CA10: variants seen among roughly 807,000 people sequenced by gnomAD.
CA10 encodes carbonic anhydrase 10 (inactive).
Under a neutral mutation model 44.2 loss-of-function variants are expected in CA10, and 14 were observed. The observed-to-expected ratio is 0.32, with a 90% confidence interval of 0.21 to 0.50. The LOEUF (loss-of-function observed/expected upper bound fraction) is 0.50. CA10 is among the 20% of genes least tolerant of loss of function. The pLI is 0.99. For missense variants in CA10, 350 were observed against 409.7 expected (o/e 0.85, Z 1.26); for synonymous variants, 159 against 141.6 (o/e 1.12, Z -0.87).
chr17:51,653,713 A>T lies in CA10; in HGVS notation c.489T>A (p.His163Gln), dbSNP rs762418935. ...CTTCTGTGACATTCGTATATAGCTCATGGTTATAGTGGATGAGCTGCACCT... is the reference window on the plus strand; with the variant it reads ...CTTCTGTGACATTCGTATATAGCTCTTGGTTATAGTGGATGAGCTGCACCT... ...SGEVQLIHYN[H>Q]ELYTNVTEAA... Residue 163 changes from histidine to glutamine, a missense_variant, in exon 5 of 9, where the codon CAT (histidine) becomes CAA (glutamine). Coordinates refer to ENST00000451037, the MANE Select transcript of CA10 (RefSeq NM_020178.5). 2 of 1,608,994 alleles carry T rather than the reference A, an allele frequency of 1.2e-6. No individual in the cohort carries two copies. Among genetic ancestry groups the T allele is most frequent in the Non-Finnish European group, 1.7e-6 (2 of 1,175,372 alleles).
intron 1 of CA10, among the ~76,000 whole-genome samples, chr17:52,113,113 G>A (rs959174404): frequency 6.6e-6 from 1 of 152,098 alleles, no homozygotes; most frequent in African/African-American, 2.4e-5. Context: ...ATCAATTAGA[G>A]GTTCTAAAGA....
chr17:51,788,418 T>C (rs1906378625), intron 3 of CA10, among the ~76,000 whole-genome samples: 1 of 152,244 alleles, frequency 6.6e-6, no homozygotes, highest in African/African-American at 2.4e-5. Flanking sequence ...AAATGTGTAT[T>C]CTGCAGCCAC....
chr17:51,953,455 GT>G lies in CA10; in HGVS notation c.137-22324del, dbSNP rs761590303. Among the ~76,000 whole-genome samples the G allele has an allele frequency of 6.8e-3, 945 of 139,770 alleles. 8 individuals carry two copies. The highest frequency in any genetic ancestry group is 0.022 in the African/African-American group (826 of 37,868). The allele number at this position is 139,770 out of a possible 152,430, so 91.7% of individuals were successfully genotyped here. On this transcript the variant is annotated intron_variant, in intron 2 of 8. Transcript: ENST00000451037. ...ATAGGAATAGTCCCTGGATATTTTT[GT>G]TTTTTTTTTTTAATTTGAACTTTGT...
chr17:51,760,884 A>G (rs1905198047), intron 3 of CA10, among the ~76,000 whole-genome samples: 1 of 152,220 alleles, frequency 6.6e-6, no homozygotes, highest in Non-Finnish European at 1.5e-5. Context: ...TTATTTCAAC[A>G]TGTAATCGAT....
intron 3 of CA10, among the ~76,000 whole-genome samples, chr17:51,758,053 C>G (rs983646741): frequency 2.0e-5 from 3 of 152,068 alleles, no homozygotes; most frequent in African/African-American, 7.2e-5. Flanking sequence ...TGAGATCTCA[C>G]CCACTACTCT....
chr17:51,830,483 T>G (rs1298910041), intron 3 of CA10, among the ~76,000 whole-genome samples: 1 of 152,156 alleles, frequency 6.6e-6, no homozygotes, highest in Non-Finnish European at 1.5e-5. Context: ...TGCTTCCATG[T>G]TTTGTAGTTT....
chr17:51,965,547 G>T (rs755896763), intron 2 of CA10, among the ~76,000 whole-genome samples: 1 of 151,906 alleles, frequency 6.6e-6, no homozygotes, highest in Non-Finnish European at 1.5e-5. Context: ...TGCAAGGTTG[G>T]TTCAACATAC....
At chr17:51,886,883 G>C (rs1002377375) in intron 3 of CA10, among the ~76,000 whole-genome samples, 1 of 152,104 alleles carries the variant, frequency 6.6e-6, no homozygotes, top group Admixed American at 6.5e-5. Flanking sequence ...CTTCAAACTA[G>C]AACCTGGACT....
chr17:52,127,743 T>C (rs909097710), intron 1 of CA10, among the ~76,000 whole-genome samples: 3 of 152,224 alleles, frequency 2.0e-5, no homozygotes, highest in African/African-American at 4.8e-5. Context: ...AACTCCTTTT[T>C]AATGCTTCTT....
chr17:51,690,132 G>T (rs554796918), intron 4 of CA10, among the ~76,000 whole-genome samples: 12 of 152,122 alleles, frequency 7.9e-5, no homozygotes, highest in Non-Finnish European at 1.8e-4. Flanking sequence ...ATTTTTAGTA[G>T]ACATGGGGTT....
intron 3 of CA10, among the ~76,000 whole-genome samples, chr17:51,886,659 T>C (rs1309040363): frequency 6.6e-6 from 1 of 152,208 alleles, no homozygotes; most frequent in Non-Finnish European, 1.5e-5. Context: ...AACATTATTT[T>C]TGGGTGTCTG....
chr17:51,673,456 A>G (rs746705041), intron 4 of CA10, among the ~76,000 whole-genome samples: 30 of 152,220 alleles, frequency 2.0e-4, no homozygotes, highest in Non-Finnish European at 3.5e-4. Flanking sequence ...TAACATGGCC[A>G]TCATCCTCCC....
At position 51,780,816 on chromosome 17, in the gene CA10, C is replaced by T. The variant is rs76204431; in HGVS notation, c.280-32998G>A. 3.8e-3 allele frequency among the ~76,000 whole-genome samples: 572 copies of T among 152,230 alleles called. 4 individuals are homozygous for T. Among genetic ancestry groups the T allele is most frequent in the African/African-American group, 0.013 (549 of 41,554 alleles). On this transcript the variant is annotated intron_variant, in intron 3 of 8. Coordinates refer to ENST00000451037, the MANE Select transcript of CA10 (RefSeq NM_020178.5). ...AGTGTGAGCAAGAGCCTGGAGGTTTCGAATTCTAAAGCAAGTGTCAGCAAA... is the reference window on the plus strand; with the variant it reads ...AGTGTGAGCAAGAGCCTGGAGGTTTTGAATTCTAAAGCAAGTGTCAGCAAA...
At chr17:52,053,157 CTCTT>C (rs1987126131) in intron 2 of CA10, among the ~76,000 whole-genome samples, 1 of 152,084 alleles carries the variant, frequency 6.6e-6, no homozygotes, top group Non-Finnish European at 1.5e-5. Flanking sequence ...ACCAACTTGT[CTCTT>C]TATCCTCTGC....
intron 4 of CA10, among the ~76,000 whole-genome samples, chr17:51,710,776 C>T (rs1431992907): frequency 6.6e-6 from 1 of 152,042 alleles, no homozygotes; most frequent in Non-Finnish European, 1.5e-5. Context: ...CCTCCCTGTG[C>T]CTGCAGCACA....
intron 2 of CA10, among the ~76,000 whole-genome samples, chr17:52,014,644 T>C (rs1985912401): frequency 6.6e-6 from 1 of 152,072 alleles, no homozygotes; most frequent in Non-Finnish European, 1.5e-5. Context: ...ACATTTTAAA[T>C]CGTCTGTATA....
chr17:51,637,317 C>T (rs553785505), intron 6 of CA10, among the ~76,000 whole-genome samples: 19 of 152,336 alleles, frequency 1.2e-4, no homozygotes, highest in Admixed American at 1.2e-3. Flanking sequence ...ACTCTATCCT[C>T]TCATCTGAGA....
intron 7 of CA10, among the ~76,000 whole-genome samples, chr17:51,635,466 T>C (rs1055292301): frequency 6.7e-6 from 1 of 150,356 alleles, no homozygotes; most frequent in Non-Finnish European, 1.5e-5. Flanking sequence ...TGAGCCAAGA[T>C]CACGCCACTG....
intron 2 of CA10, among the ~76,000 whole-genome samples, chr17:51,958,301 T>C (rs1391570551): frequency 2.0e-5 from 3 of 151,728 alleles, no homozygotes; most frequent in Admixed American, 6.6e-5. Flanking sequence ...CCCTTGGCTC[T>C]ACCAAGAGAT....
Sources: gnomAD v4.1 joint callset for allele counts (sites outside exome capture counted in the v4.1 genomes callset) on GRCh38, gnomAD v4.1.1 for gene constraint, MANE v1.5 for transcripts, NCBI Gene and HGNC (gene_info 2026-07-23, HGNC 2026-07-21) for gene names.